The following TP63 variants were observed in gnomAD, a reference collection of about 807,000 sequenced individuals.
TP63 encodes the protein tumor protein 63.
A neutral mutation model predicts 82.8 loss-of-function variants in TP63; 17 were observed. That is an observed-to-expected ratio of 0.21 (90% confidence interval 0.14 to 0.31). The LOEUF is 0.31. Ranked by LOEUF, TP63 falls within the 10% of genes least tolerant of loss-of-function variation. The probability of loss-of-function intolerance (pLI) is 1.00; values close to 1 mark genes in which losing one functional copy is unlikely to be tolerated. For missense variants in TP63, 648 were observed against 895.3 expected (o/e 0.72, Z 3.52); for synonymous variants, 330 against 321.7 (o/e 1.03, Z -0.28).
chr3:189,887,880 G>C (rs982437150), intron 11 of TP63, among the ~76,000 whole-genome samples: 7 of 135,748 alleles, frequency 5.2e-5, no homozygotes, highest in African/African-American at 2.0e-4. Flanking sequence ...TTTTTAGACA[G>C]AGTTTCGCTC....
chr3:189,719,519 A>G (rs780170561), intron 1 of TP63, among the ~76,000 whole-genome samples: 1 of 152,208 alleles, frequency 6.6e-6, no homozygotes, highest in Non-Finnish European at 1.5e-5. Context: ...TTATCATGCC[A>G]TAAAATGTTA....
chr3:189,613,081 G>T, the TP63 span, among the ~76,000 whole-genome samples: 127 of 152,332 alleles, frequency 8.3e-4, no homozygotes, highest in African/African-American at 2.7e-3. Flanking sequence ...GCCGGCTGTA[G>T]AAATTTGCTT....
At chr3:189,692,761 C>T (rs1277804116) in intron 1 of TP63, among the ~76,000 whole-genome samples, 3 of 152,104 alleles carry the variant, frequency 2.0e-5, no homozygotes, top group Admixed American at 6.5e-5. Context: ...GGAGATGTTG[C>T]GAGCAATGAC....
intron 1 of TP63, among the ~76,000 whole-genome samples, chr3:189,701,822 C>T (rs1717833658): frequency 6.6e-6 from 1 of 151,974 alleles, no homozygotes; most frequent in South Asian, 2.1e-4. Context: ...GGTGATAATA[C>T]CTGGCCCACG....
chr3:189,840,956 G>A (rs1177811138), intron 4 of TP63, among the ~76,000 whole-genome samples: 1 of 150,908 alleles, frequency 6.6e-6, no homozygotes, highest in African/African-American at 2.4e-5. Context: ...TCCATTATAT[G>A]TGTGTCTTAA....
intron 4 of TP63, among the ~76,000 whole-genome samples, chr3:189,810,819 A>G (rs1030606468): frequency 2.0e-5 from 3 of 147,576 alleles, no homozygotes; most frequent in Non-Finnish European, 3.0e-5. Context: ...TCGCACCACT[A>G]CATGTGATCT....
At position 189,889,412 on chromosome 3, in the gene TP63, C is replaced by A; in HGVS notation, c.1580C>A (p.Pro527His). The change falls in exon 12 of 14, where the codon CCC becomes CAC. Residue 527 changes from proline to histidine, a missense_variant. Coordinates refer to ENST00000264731, the MANE Select transcript of TP63 (RefSeq NM_003722.5). ...NGLSPTQALP[P>H]PLSMPSTSHC... Reference sequence around the variant, plus strand: ...CTCAGCCCCACCCAGGCACTCCCTCCCCCACTCTCCATGCCATCCACCTCC... The same window carrying A: ...CTCAGCCCCACCCAGGCACTCCCTCACCCACTCTCCATGCCATCCACCTCC... The A allele has an allele frequency of 6.2e-7, 1 of 1,614,106 alleles. No individual in the cohort carries two copies. The highest frequency in any genetic ancestry group is 8.5e-7 in the Non-Finnish European group (1 of 1,179,994).
chr3:189,612,431 A>T, the TP63 span, among the ~76,000 whole-genome samples: 1 of 151,360 alleles, frequency 6.6e-6, no homozygotes, highest in African/African-American at 2.4e-5. Context: ...AGTGCTTTTC[A>T]CCTCCCACCA....
chr3:189,711,526 A>G (rs1006140098), intron 1 of TP63, among the ~76,000 whole-genome samples: 1 of 152,170 alleles, frequency 6.6e-6, no homozygotes, highest in African/African-American at 2.4e-5. Context: ...TTTTACCTGG[A>G]GGATTGGAGA....
rs1448062426 is a variant in TP63 at position 189,896,188 on chromosome 3, G to A, written c.*1686G>A. Reference sequence around the variant, plus strand: ...CATAAGCTTCCATTTTAATTTTAAAGTGCAAAAGGGCCAGCGTGGCTCTAA... The same window carrying A: ...CATAAGCTTCCATTTTAATTTTAAAATGCAAAAGGGCCAGCGTGGCTCTAA... On this transcript the variant is annotated 3_prime_UTR_variant, in exon 14 of 14. Coordinates refer to ENST00000264731, the MANE Select transcript of TP63 (RefSeq NM_003722.5). The A allele has an allele frequency of 4.5e-6, 1 of 219,916 alleles. No individual in the cohort carries two copies. Among genetic ancestry groups the A allele is most frequent in the East Asian group, 6.7e-5 (1 of 14,894 alleles). The allele number at this position is 219,916 out of a possible 1,614,324, so 13.6% of individuals were successfully genotyped here. A position where few individuals can be genotyped will look rare whatever the true frequency, so the allele number is the denominator to read the frequency against.
rs114240292 is a variant in TP63, at chr3:189,648,119, A to G, written c.62+16542A>G. On this transcript the variant is annotated intron_variant, in intron 1 of 13. Transcript: ENST00000264731. ...AAGCATATTTATAATATAGTTTTAA[A>G]CATTTAAAGAAACCAAAAATAAAGA... Among the ~76,000 whole-genome samples, 238 of 147,282 alleles carry G rather than the reference A, an allele frequency of 1.6e-3. 17 individuals carry two copies. The highest frequency in any genetic ancestry group is 0.01 in the Middle Eastern group (3 of 288).
At chr3:189,785,058 T>G (rs1021084058) in intron 3 of TP63, among the ~76,000 whole-genome samples, 3 of 152,058 alleles carry the variant, frequency 2.0e-5, no homozygotes, top group African/African-American at 4.8e-5. Flanking sequence ...CAACCTTTTT[T>G]GACTATTACA....
intron 3 of TP63, among the ~76,000 whole-genome samples, chr3:189,753,398 T>G (rs1721960186): frequency 1.3e-5 from 2 of 152,074 alleles, no homozygotes; most frequent in Non-Finnish European, 2.9e-5. Context: ...TAATATTTCT[T>G]TATTTCTGAT....
intron 4 of TP63, among the ~76,000 whole-genome samples, chr3:189,845,891 G>A (rs1380535397): frequency 6.6e-6 from 1 of 151,682 alleles, no homozygotes; most frequent in African/African-American, 2.4e-5. Context: ...TCTGGGAGAG[G>A]ATGAAAGAGC....
intron 11 of TP63, among the ~76,000 whole-genome samples, chr3:189,887,134 G>A (rs997143453): frequency 5.3e-5 from 8 of 151,352 alleles, no homozygotes; most frequent in African/African-American, 1.5e-4. Context: ...ACTTGAACCC[G>A]GGAGGCAGAG....
chr3:189,672,621 AAAGG>A (rs75202891), intron 1 of TP63, among the ~76,000 whole-genome samples: 42,688 of 126,872 alleles, frequency 0.34, 8,159 homozygotes, highest in Non-Finnish European at 0.39. Context: ...TAGAAAGAAA[AAAGG>A]AAGGAAGGAA....
intron 1 of TP63, among the ~76,000 whole-genome samples, chr3:189,732,148 C>CA (rs1184631107): frequency 6.6e-6 from 1 of 152,118 alleles, no homozygotes; most frequent in Non-Finnish European, 1.5e-5. Flanking sequence ...AGGTGTGTAT[C>CA]AAGTCCCACC....
intron 1 of TP63, among the ~76,000 whole-genome samples, chr3:189,726,040 G>A (rs1719752388): frequency 7.1e-6 from 1 of 141,174 alleles, no homozygotes; most frequent in African/African-American, 2.5e-5. Flanking sequence ...AGGCAACAGA[G>A]CGAGAGTTTA....
At position 189,840,356 on chromosome 3, in the gene TP63, CGTCT is replaced by C. The variant is rs1447715505; in HGVS notation, c.580-23875_580-23872del. On this transcript the variant is annotated intron_variant, in intron 4 of 13. Coordinates refer to ENST00000264731, the MANE Select transcript of TP63 (RefSeq NM_003722.5). ...ATTGAGTTTTTTCTTTTTTGCTTTT[CGTCT>C]TTTTTTTTTTTTTTTTTTTTTTTTT... 3.2e-3 allele frequency among the ~76,000 whole-genome samples: 83 copies of C among 26,218 alleles called. 7 individuals carry two copies. The highest frequency in any genetic ancestry group is 5.1e-3 in the Admixed American group (10 of 1,976). The allele number at this position is 26,218 out of a possible 152,430, so 17.2% of individuals were successfully genotyped here. A position where few individuals can be genotyped will look rare whatever the true frequency, so the allele number is the denominator to read the frequency against.
Sources: gnomAD v4.1 joint callset for allele counts (sites outside exome capture counted in the v4.1 genomes callset) on GRCh38, gnomAD v4.1.1 for gene constraint, MANE v1.5 for transcripts, NCBI Gene and HGNC (gene_info 2026-07-23, HGNC 2026-07-21) for gene names.